Variants in USP48 observed in about 807,000 individuals in gnomAD.
USP48 encodes the protein ubiquitin carboxyl-terminal hydrolase 48.
USP48 carries 43 observed loss-of-function variants against 150.7 expected under a neutral mutation model. The observed-to-expected ratio is 0.29, with a 90% CI of 0.22 to 0.37. The LOEUF is 0.37. USP48 is among the 10% of genes least tolerant of loss of function. The pLI is 1.00. For missense variants in USP48, 813 were observed against 1,249.6 expected, an observed-to-expected ratio of 0.65 and a Z score of 5.27; for synonymous variants, 396 against 425.9, an observed-to-expected ratio of 0.93 and a Z score of 0.86.
chr1:21,699,365 A>G (rs1169999325), intron 22 of USP48, among the ~76,000 whole-genome samples: 2 of 132,322 alleles, frequency 1.5e-5, no homozygotes, highest in Non-Finnish European at 3.3e-5. Context: ...CGCCCGGCTA[A>G]TTTTTTGTAT....
intron 1 of USP48, 136 bp downstream of exon 1, chr1:21,782,688 G>T: frequency 7.5e-7 from 1 of 1,331,362 alleles, no homozygotes; most frequent in South Asian, 1.6e-5. Flanking sequence ...ACGGCGCAAA[G>T]GGGGAAACTC....
chr1:21,781,939 C>T (rs1444550264), intron 1 of USP48: 2 of 152,186 alleles, frequency 1.3e-5, no homozygotes, highest in Non-Finnish European at 2.9e-5. Flanking sequence ...AACTCCCTAA[C>T]TTATTTCACT....
chr1:21,782,798 C>G (rs928904181), intron 1 of USP48, 26 bp downstream of exon 1: 7 of 1,508,962 alleles, frequency 4.6e-6, no homozygotes, highest in Middle Eastern at 2.0e-4. Context: ...GCGAGGAGCC[C>G]GCGAGGCGCG....
chr1:21,767,368 G>T (rs1437787411), intron 1 of USP48, among the ~76,000 whole-genome samples: 1 of 152,106 alleles, frequency 6.6e-6, no homozygotes, highest in Non-Finnish European at 1.5e-5. Flanking sequence ...CCAGGCTAGA[G>T]TGCAGTGGTG....
chr1:21,779,171 A>G (rs1471017060), intron 1 of USP48, among the ~76,000 whole-genome samples: 1 of 152,120 alleles, frequency 6.6e-6, no homozygotes, highest in East Asian at 1.9e-4. Flanking sequence ...CCAGGAGTTC[A>G]AGGCTGCAGT....
rs151180337 is a variant in USP48, at chr1:21,728,629, T to A, written c.1391A>T (p.Lys464Ile). Residue 464 changes from lysine to isoleucine, a missense_variant, in exon 11 of 27, where the codon AAA (lysine) becomes ATA (isoleucine). Coordinates refer to ENST00000308271, the MANE Select transcript of USP48 (RefSeq NM_032236.8). Reference protein sequence around the residue: ...MAEMRKQSVDKGKAKHEEVKE... With the variant: ...MAEMRKQSVDIGKAKHEEVKE... ...AACCTCTTCGTGTTTTGCTTTTCCT[T>A]TATCCACACTTTGCTTACGCATCTC... The A allele has an allele frequency of 1.6e-5, 26 of 1,614,206 alleles. No homozygotes were observed. Among genetic ancestry groups the A allele is most frequent in the Non-Finnish European group, 2.2e-5 (26 of 1,180,036 alleles).
At position 21,771,686 on chromosome 1, in the gene USP48, A is replaced by C. The variant is rs143702961; in HGVS notation, c.134+11138T>G. Among the ~76,000 whole-genome samples, 135 of 152,022 alleles carry C rather than the reference A, an allele frequency of 8.9e-4. 1 individual carries two copies. The East Asian group carries it at 0.022, about 25-fold the overall frequency. ...TATAATCCCAACACTTTGGGAGGCG[A>C]AGGCAGGCAGATCACCTGAGGTCGA... On this transcript the variant is annotated intron_variant, in intron 1 of 26. Transcript: ENST00000308271.
intron 22 of USP48, among the ~76,000 whole-genome samples, chr1:21,699,069 G>A (rs1394431636): frequency 4.0e-5 from 6 of 151,640 alleles, no homozygotes; most frequent in African/African-American, 4.8e-5. Context: ...TTGCTCTGTC[G>A]CCCAAGCTGG....
intron 23 of USP48, among the ~76,000 whole-genome samples, chr1:21,693,904 G>C (rs1347152258): frequency 6.6e-6 from 1 of 152,176 alleles, no homozygotes; most frequent in Non-Finnish European, 1.5e-5. Context: ...CAATTACAAT[G>C]ATAAATATCA....
At chr1:21,759,113 C>A (rs1381327392) in intron 1 of USP48, among the ~76,000 whole-genome samples, 4 of 128,832 alleles carry the variant, frequency 3.1e-5, no homozygotes, top group Non-Finnish European at 6.3e-5. Flanking sequence ...ACCCAGGAGG[C>A]GGAGGTTGCA....
rs768224241 is a variant in USP48, at chr1:21,680,845, G to GA, written c.3059-12dup. ...CTTCTGGCATACAAACTGAAAAAAA[G>GA]AAAAAAAGAAGAATTCCAAATTGAA... On this transcript the variant is annotated splice_polypyrimidine_tract_variant and intron_variant, in intron 25 of 26. Coordinates refer to ENST00000308271, the MANE Select transcript of USP48 (RefSeq NM_032236.8). The GA allele has an allele frequency of 3.0e-5, 47 of 1,580,534 alleles. No individual in the cohort carries two copies. The highest frequency in any genetic ancestry group is 1.7e-4 in the Middle Eastern group (1 of 5,948).
chr1:21,735,136 T>G (rs1192015048), intron 9 of USP48, among the ~76,000 whole-genome samples: 1 of 152,214 alleles, frequency 6.6e-6, no homozygotes, highest in Non-Finnish European at 1.5e-5. Context: ...ACATTAAATC[T>G]ACTATTCATC....
intron 22 of USP48, among the ~76,000 whole-genome samples, chr1:21,701,200 A>G (rs543401112): frequency 2.0e-5 from 3 of 151,654 alleles, no homozygotes; most frequent in East Asian, 1.9e-4. Flanking sequence ...CCCCGTCTCT[A>G]CTAAAAATAT....
chr1:21,780,825 C>T (rs1449468317), intron 1 of USP48, among the ~76,000 whole-genome samples: 1 of 149,304 alleles, frequency 6.7e-6, no homozygotes. Flanking sequence ...TCACCGCAAC[C>T]TCCACCTCCC....
At chr1:21,740,883 A>G (rs1422074742) in intron 8 of USP48, among the ~76,000 whole-genome samples, 3 of 152,244 alleles carry the variant, frequency 2.0e-5, no homozygotes, top group African/African-American at 7.2e-5. Flanking sequence ...TCAAAACTCT[A>G]TAAATGGTTT....
Position 21,695,195 on chromosome 1 carries a change from C to T in USP48, c.2754G>A (p.Lys918=). 2 of 1,611,618 alleles carry T rather than the reference C, an allele frequency of 1.2e-6. No individual in the cohort carries two copies. Among genetic ancestry groups the T allele is most frequent in the Non-Finnish European group, 1.7e-6 (2 of 1,179,240 alleles). ...NQSNGGTKRQ[K]ISHQNYIAYQ... The stretch of plus-strand genomic sequence containing the variant: ...AGGCTATATAATTTTGATGGGATAT[C>T]TTTTGCCGCTTTGTTCCACCATTGC... Residue 918 remains lysine (K), a synonymous_variant, in exon 23 of 27, where the codon AAG becomes AAA. Transcript: ENST00000308271.
intron 1 of USP48, among the ~76,000 whole-genome samples, chr1:21,776,316 A>G (rs1044017514): frequency 1.3e-5 from 2 of 152,170 alleles, no homozygotes; most frequent in Non-Finnish European, 2.9e-5. Flanking sequence ...GTGGTCTTTG[A>G]ATATGGTCAA....
At chr1:21,686,492 T>C (rs544917315) in intron 25 of USP48, 3 of 5,640 alleles carry the variant, frequency 5.3e-4, no homozygotes, top group East Asian at 3.6e-3. Flanking sequence ...GGTTTGCATA[T>C]GTTGAACATC....
chr1:21,733,727 A>T (rs577725848), intron 9 of USP48, among the ~76,000 whole-genome samples: 252 of 151,930 alleles, frequency 1.7e-3, no homozygotes, highest in South Asian at 7.5e-3. Context: ...GATAGATTTT[A>T]AAAAAACCCA....
Sources: allele counts gnomAD v4.1 joint callset (sites outside exome capture counted in the v4.1 genomes callset), GRCh38; gene constraint gnomAD v4.1.1; transcripts MANE v1.5; gene names NCBI Gene and HGNC (gene_info 2026-07-23, HGNC 2026-07-21).